The following DNAH5 variants were observed in gnomAD, a reference collection of about 807,000 sequenced individuals.
DNAH5 encodes axonemal beta dynein heavy chain 5.
Under a neutral mutation model 518.2 loss-of-function variants are expected in DNAH5, and 372 were observed. That is an observed-to-expected ratio of 0.72 (90% CI 0.66 to 0.78). DNAH5 has a LOEUF of 0.78. Ranked by LOEUF, DNAH5 falls within the 30% of genes least tolerant of loss-of-function variation. DNAH5 has a pLI of 0.00. For missense variants in DNAH5, 5,523 were observed against 5,687.0 expected, an observed-to-expected ratio of 0.97 and a Z score of 0.93; for synonymous variants, 2,039 against 2,025.9, an observed-to-expected ratio of 1.01 and a Z score of -0.17.
At chr5:13,743,412 C>T (rs1402229136) in intron 65 of DNAH5, among the ~76,000 whole-genome samples, 2 of 151,950 alleles carry the variant, frequency 1.3e-5, no homozygotes. Flanking sequence ...GGACACTGGT[C>T]TGGGAAAAGA....
In DNAH5 at chr5:13,777,273, T is replaced by A. The variant is rs368476008; in HGVS notation, c.9034A>T (p.Ile3012Phe). 151 of 1,613,206 alleles carry A rather than the reference T, an allele frequency of 9.4e-5. No homozygotes were observed. The highest frequency in any genetic ancestry group is 1.2e-4 in the Non-Finnish European group (142 of 1,179,570). Reference protein sequence around the residue: ...AGQQGKGITFIFTDNEIKDES... With the variant: ...AGQQGKGITFFFTDNEIKDES... ...TCTTTAATCTCATTGTCTGTGAAAA[T>A]AAAAGTGATTCCTTTGCCTTGCTGA... The change falls in exon 54 of 79, where the codon ATT (isoleucine) becomes TTT (phenylalanine). Residue 3012 changes from isoleucine to phenylalanine, a missense_variant. Around this residue, in one of 3 missense-constraint regions of DNAH5, gnomAD observed 5,121 missense variants for 5,223.3 expected, o/e 0.98. Transcript: ENST00000265104.
rs1387220832 is a variant in DNAH5, at chr5:13,810,197, T to A, written c.7471A>T (p.Ser2491Cys). ...TCCAGCTCCAGCGCCGCCCCCGCGC[T>A]CCACAGCAGCGCGAACACGAACAGC... Reference protein sequence around the residue: ...GRLFVFALLWSAGAALELDGR... With the variant: ...GRLFVFALLWCAGAALELDGR... The change falls in exon 45 of 79, where the codon AGC becomes TGC. Residue 2491 changes from serine (S) to cysteine (C), a missense_variant. Ser to Cys is a moderately radical substitution (Grantham distance 112). Transcript: ENST00000265104. The A allele has an allele frequency of 3.2e-6, 5 of 1,549,882 alleles. No individual in the cohort carries two copies. The Admixed American group carries it at 9.8e-5, about 30-fold the overall frequency.
At chr5:13,694,979 C>G (rs935789267) in intron 78 of DNAH5, among the ~76,000 whole-genome samples, 1 of 152,122 alleles carries the variant, frequency 6.6e-6, no homozygotes, top group Non-Finnish European at 1.5e-5. Flanking sequence ...AAAACTGGAA[C>G]AGAAGGAGGT....
At chr5:13,774,172 G>A (rs920673820) in intron 55 of DNAH5, among the ~76,000 whole-genome samples, 1 of 152,132 alleles carries the variant, frequency 6.6e-6, no homozygotes, top group South Asian at 2.1e-4. Context: ...GAGTTGAAGA[G>A]ATCATTAGAA....
Position 13,867,955 on chromosome 5 carries a change from A to G in DNAH5, c.3872T>C (p.Ile1291Thr), listed in dbSNP as rs1769524683. ...YALLNRYGLL[I>T]AREEIDKVDT... is the part of the protein sequence containing the mutation. ...AACTTTGTCTATCTCTTCCCTTGCT[A>G]TCAGAAGTCCATATCTGTTAAGCAG... The change falls in exon 25 of 79, where the codon ATA becomes ACA. Residue 1291 changes from isoleucine (I) to threonine (T), a missense_variant. Transcript: ENST00000265104. 1.2e-5 allele frequency: 20 copies of G among 1,613,994 alleles called. No individual in the cohort carries two copies. Among genetic ancestry groups the G allele is most frequent in the Non-Finnish European group, 1.7e-5 (20 of 1,179,960 alleles).
At chr5:13,809,747 T>C (rs550084709) in intron 45 of DNAH5, among the ~76,000 whole-genome samples, 23 of 152,216 alleles carry the variant, frequency 1.5e-4, no homozygotes, top group Non-Finnish European at 3.4e-4. Context: ...TTAAACTTTG[T>C]GACTTTTATA....
rs770975422 is a variant in DNAH5 at position 13,883,065 on chromosome 5, T to A, written c.3013A>T (p.Asn1005Tyr). ...CTTGCCCGGAAAATGGGCAAACTGT[T>A]CTGCTTCATGTTAGAGGCACTGTTA... ...DSNSASNMKQ[N>Y]SLPIFRASVT... is the part of the protein sequence containing the mutation. The change falls in exon 20 of 79, where the codon AAC (asparagine) becomes TAC (tyrosine). Residue 1005 changes from asparagine (N) to tyrosine (Y), a missense_variant. Transcript: ENST00000265104. 4.0e-5 allele frequency: 64 copies of A among 1,614,010 alleles called. No individual in the cohort carries two copies. The highest frequency in any genetic ancestry group is 1.8e-4 in the South Asian group (16 of 91,082).
chr5:13,848,346 G>A (rs1166292563), intron 31 of DNAH5, among the ~76,000 whole-genome samples: 5 of 152,170 alleles, frequency 3.3e-5, no homozygotes, highest in African/African-American at 1.2e-4. Context: ...TTAGGTTTAT[G>A]GTGATACTCT....
At chr5:13,803,329 C>T (rs1759071384) in intron 47 of DNAH5, among the ~76,000 whole-genome samples, 1 of 152,104 alleles carries the variant, frequency 6.6e-6, no homozygotes, top group Admixed American at 6.5e-5. Context: ...GTTTAAAATG[C>T]TCAATAGTAC....
At position 13,789,021 on chromosome 5, in the gene DNAH5, C is replaced by T. The variant is rs995454956; in HGVS notation, c.8449-107G>A. 8.4e-6 allele frequency: 9 copies of T among 1,072,468 alleles called. No homozygotes were observed. The Admixed American group carries it at 1.0e-4, about 12-fold the overall frequency. The allele number at this position is 1,072,468 out of a possible 1,614,324, so 66.4% of individuals were successfully genotyped here. On this transcript the variant is annotated intron_variant, in intron 50 of 78. Transcript: ENST00000265104. Reference sequence around the variant, plus strand: ...TTATCCTTCCTGATTTAAGATTCAACATTTTAAAAAGTTAGGGTTCAAATA... The same window carrying T: ...TTATCCTTCCTGATTTAAGATTCAATATTTTAAAAAGTTAGGGTTCAAATA...
intron 30 of DNAH5, among the ~76,000 whole-genome samples, chr5:13,854,829 T>C (rs1180074875): frequency 6.6e-6 from 1 of 152,206 alleles, no homozygotes; most frequent in East Asian, 1.9e-4. Context: ...CTATCCTAAA[T>C]GTATATGCAC....
chr5:13,751,437 G>A (rs1750211071), intron 64 of DNAH5, among the ~76,000 whole-genome samples, 177 bp from the exon 65 acceptor site: 1 of 152,102 alleles, frequency 6.6e-6, no homozygotes, highest in Non-Finnish European at 1.5e-5. Flanking sequence ...TGAAAGAAAG[G>A]AAGCAAAGAA....
At chr5:13,737,139 C>T in intron 66 of DNAH5, 113 bp downstream of exon 66, 2 of 1,526,142 alleles carry the variant, frequency 1.3e-6, no homozygotes, top group South Asian at 2.3e-5. Flanking sequence ...CACAAAACAC[C>T]TCCACTTTGC....
chr5:13,846,899 T>A (rs765420938), intron 31 of DNAH5, among the ~76,000 whole-genome samples: 6 of 151,994 alleles, frequency 3.9e-5, no homozygotes, highest in Non-Finnish European at 5.9e-5. Flanking sequence ...AAAACTAAAC[T>A]TTTCTCAGTT....
At chr5:13,726,874 T>C (rs979150898) in intron 70 of DNAH5, among the ~76,000 whole-genome samples, 14 of 152,234 alleles carry the variant, frequency 9.2e-5, no homozygotes, top group African/African-American at 3.1e-4. Context: ...AATATCAGCG[T>C]TAAACTTTTC....
At chr5:13,942,794 G>A (rs564795859) in intron 1 of DNAH5, among the ~76,000 whole-genome samples, 1 of 152,160 alleles carries the variant, frequency 6.6e-6, no homozygotes, top group African/African-American at 2.4e-5. Context: ...ATCCTCACTT[G>A]GCCATGCCAT....
chr5:13,811,021 T>C (rs1025018023), intron 44 of DNAH5, among the ~76,000 whole-genome samples: 2 of 151,922 alleles, frequency 1.3e-5, no homozygotes, highest in African/African-American at 2.4e-5. Context: ...CTGTGGGAGC[T>C]AAAAATTAAA....
chr5:13,821,863 C>T (rs1482200099), intron 40 of DNAH5, among the ~76,000 whole-genome samples: 4 of 152,138 alleles, frequency 2.6e-5, no homozygotes, highest in Admixed American at 2.0e-4. Flanking sequence ...GGCGTGATCA[C>T]AGCTCACTGC....
chr5:13,894,799 C>A lies in DNAH5; in HGVS notation c.2282G>T (p.Arg761Ile). 1 of 1,613,852 alleles carries A rather than the reference C, an allele frequency of 6.2e-7. No homozygotes were observed. The highest frequency in any genetic ancestry group is 8.5e-7 in the Non-Finnish European group (1 of 1,179,918). The change falls in exon 16 of 79, where the codon AGA (arginine) becomes ATA (isoleucine). Residue 761 changes from arginine to isoleucine, a missense_variant. Arg to Ile is a moderately conservative substitution (Grantham distance 97). Coordinates refer to ENST00000265104, the MANE Select transcript of DNAH5 (RefSeq NM_001369.3). ...NMKMMLAEYQ[R>I]VKSKIPAAIE... is the part of the protein sequence containing the mutation. ...GGCAGCAGGTATTTTTGACTTCACTCTCTGATATTCAGCTAGCATCATCTG... is the reference window on the plus strand; with the variant it reads ...GGCAGCAGGTATTTTTGACTTCACTATCTGATATTCAGCTAGCATCATCTG...
Sources: gnomAD v4.1 joint callset for allele counts (sites outside exome capture counted in the v4.1 genomes callset) on GRCh38, gnomAD v4.1.1 for gene constraint, gnomAD v4.1.1 regional missense constraint, MANE v1.5 for transcripts, NCBI Gene and HGNC (gene_info 2026-07-23, HGNC 2026-07-21) for gene names.